Variants in ZMYM6 observed in about 807,000 individuals in gnomAD.
ZMYM6 encodes zinc finger MYM-type protein 6.
A neutral mutation model predicts 134.0 loss-of-function variants in ZMYM6; 90 were observed. That is an observed-to-expected ratio of 0.67 (90% CI 0.57 to 0.80). ZMYM6 has a LOEUF of 0.80. ZMYM6 is among the 30% of genes least tolerant of loss of function. The pLI is 0.00. For missense variants in ZMYM6, 1,362 were observed against 1,533.9 expected (o/e 0.89, Z 1.87); for synonymous variants, 481 against 524.1 (o/e 0.92, Z 1.12).
chr1:35,017,826 G>A (rs200738319), intron 4 of ZMYM6: 4 of 152,046 alleles, frequency 2.6e-5, no homozygotes, highest in South Asian at 2.1e-4. Flanking sequence ...AGTCACTGAC[G>A]GGGGTGACTA....
At chr1:35,000,097 T>C (rs1215852237) in intron 14 of ZMYM6, among the ~76,000 whole-genome samples, 2 of 151,714 alleles carry the variant, frequency 1.3e-5, no homozygotes, top group African/African-American at 4.8e-5. Context: ...CATACCCAGC[T>C]AATTTTTTGG....
chr1:35,015,723 C>CAAAAAAAAAA (rs1331400824), intron 4 of ZMYM6, among the ~76,000 whole-genome samples: 11 of 51,192 alleles, frequency 2.1e-4, no homozygotes, highest in East Asian at 1.3e-3. Context: ...GACTCCATCT[C>CAAAAAAAAAA]AAAAAAAAAA....
intron 15 of ZMYM6, chr1:34,990,351 C>T: frequency 4.4e-6 from 1 of 228,884 alleles, no homozygotes; most frequent in Non-Finnish European, 1.0e-5. Flanking sequence ...GGCATGGTGG[C>T]AGGTGCCTGT....
intron 4 of ZMYM6, chr1:35,018,581 T>C (rs1334176780): frequency 6.6e-6 from 1 of 152,152 alleles, no homozygotes; most frequent in East Asian, 1.9e-4. Flanking sequence ...AAGTACTTGC[T>C]ATGTGCTAGG....
intron 14 of ZMYM6, among the ~76,000 whole-genome samples, chr1:34,997,905 A>ATATGG (rs1314116648): frequency 2.6e-5 from 4 of 152,198 alleles, no homozygotes; most frequent in African/African-American, 9.7e-5. Flanking sequence ...CTCAGTTGTC[A>ATATGG]CAGCATTATT....
At chr1:35,027,113 C>T (rs1017003609) in intron 2 of ZMYM6, among the ~76,000 whole-genome samples, 4 of 152,130 alleles carry the variant, frequency 2.6e-5, no homozygotes, top group Admixed American at 6.5e-5. Flanking sequence ...CTTCTTCCAC[C>T]GGCACAAGAA....
rs1641266480 is a variant in ZMYM6 at position 35,019,523 on chromosome 1, A to C, written c.258T>G (p.Val86=). ...PSVLLPSVPA[V]AIKVFCSGCK... is the part of the protein sequence containing the mutation. Reference sequence around the variant, plus strand: ...AACCAGAACAAAAAACCTTAATAGCAACAGCTGGAACTGAAGGAAGCAACA... The same window carrying C: ...AACCAGAACAAAAAACCTTAATAGCCACAGCTGGAACTGAAGGAAGCAACA... The change falls in exon 4 of 16, where the codon GTT becomes GTG. Residue 86 remains valine, a synonymous_variant. Coordinates refer to ENST00000357182, the MANE Select transcript of ZMYM6 (RefSeq NM_007167.4). 1 of 1,614,086 alleles carries C rather than the reference A, an allele frequency of 6.2e-7. No homozygotes were observed. The highest frequency in any genetic ancestry group is 8.5e-7 in the Non-Finnish European group (1 of 1,180,034).
Position 34,986,947 on chromosome 1 carries a change from C to A in ZMYM6, c.*157G>T. 2.2e-6 allele frequency: 1 copy of A among 448,460 alleles called. No homozygotes were observed. The highest frequency in any genetic ancestry group is 3.7e-6 in the Non-Finnish European group (1 of 269,792). The allele number at this position is 448,460 out of a possible 1,614,324, so 27.8% of individuals were successfully genotyped here. A position where few individuals can be genotyped will look rare whatever the true frequency, so the allele number is the denominator to read the frequency against. On this transcript the variant is annotated 3_prime_UTR_variant, in exon 16 of 16. Transcript: ENST00000357182. ...TATAATTATACATAATTATTTATAA[C>A]AATCATAATTATTAAATTCCTCAAC...
chr1:35,007,085 T>C lies in ZMYM6; in HGVS notation c.1679A>G (p.Asp560Gly), dbSNP rs1291064965. The C allele has an allele frequency of 1.9e-6, 3 of 1,589,202 alleles. No individual in the cohort carries two copies. Among genetic ancestry groups the C allele is most frequent in the Non-Finnish European group, 1.7e-6 (2 of 1,166,806 alleles). ...TAGTTTACCCTGTCGTTTACAACCA[T>C]CACACTTGGCCATCTGAAAAAGAAA... ...TVLFYQMAKCDGCKRQGKLSE... is the reference protein window; with the variant it reads ...TVLFYQMAKCGGCKRQGKLSE... The change falls in exon 12 of 16, where the codon GAT becomes GGT. Residue 560 changes from aspartate to glycine, a missense_variant. By Grantham distance (94) the Asp-to-Gly change is moderately conservative. Coordinates refer to ENST00000357182, the MANE Select transcript of ZMYM6 (RefSeq NM_007167.4).
At chr1:34,994,261 G>A (rs1640737082) in intron 14 of ZMYM6, among the ~76,000 whole-genome samples, 1 of 152,156 alleles carries the variant, frequency 6.6e-6, no homozygotes, top group African/African-American at 2.4e-5. Context: ...TATAATTCTA[G>A]GTAGTGATAA....
intron 2 of ZMYM6, among the ~76,000 whole-genome samples, chr1:35,022,715 T>C (rs1257353069): frequency 1.3e-5 from 2 of 152,192 alleles, no homozygotes; most frequent in African/African-American, 2.4e-5. Flanking sequence ...GCAGTTACCA[T>C]AGTAAATCAT....
At chr1:35,007,827 G>T (rs889235178) in intron 11 of ZMYM6, among the ~76,000 whole-genome samples, 2 of 151,936 alleles carry the variant, frequency 1.3e-5, no homozygotes, top group African/African-American at 4.8e-5. Flanking sequence ...CTGGGGGATG[G>T]GGGGTGGGCA....
rs1641149385 is a variant in ZMYM6 at position 35,014,696 on chromosome 1, C to T, written c.795+1G>A. On this transcript the variant is annotated splice_donor_variant, in intron 6 of 15. Transcript: ENST00000357182. LOFTEE classifies it high-confidence loss of function. The stretch of plus-strand genomic sequence containing the variant: ...TACATGCAACAAATAGATATTCATA[C>T]CTGCTTGTATGCCGTGACACTTGTT... 2 of 1,612,572 alleles carry T rather than the reference C, an allele frequency of 1.2e-6. No individual in the cohort carries two copies. Among genetic ancestry groups the T allele is most frequent in the African/African-American group, 1.3e-5 (1 of 74,860 alleles).
chr1:35,005,416 G>A, intron 12 of ZMYM6, 144 bp from the exon 13 acceptor site: 1 of 873,180 alleles, frequency 1.1e-6, no homozygotes. Flanking sequence ...TGTTAGGTTG[G>A]GTGACTCTGG....
chr1:34,996,688 CTTTTT>C (rs920845137), intron 14 of ZMYM6, among the ~76,000 whole-genome samples: 2 of 152,114 alleles, frequency 1.3e-5, no homozygotes, highest in African/African-American at 4.8e-5. Flanking sequence ...CTGCCACATT[CTTTTT>C]TAACAACTGT....
In ZMYM6 at chr1:35,015,171, AAAT is replaced by A. The variant is rs778647697; in HGVS notation, c.429-12_429-10del. The A allele has an allele frequency of 6.3e-7, 1 of 1,578,728 alleles. No individual in the cohort carries two copies. Among genetic ancestry groups the A allele is most frequent in the East Asian group, 2.2e-5 (1 of 44,578 alleles). ...TAGGATTTAAAATGTCTCTAAAAAT[AAAT>A]AACAAAGGTAAAAATGAAATGTATT... is the stretch of plus-strand genomic sequence containing the variant. On this transcript the variant is annotated splice_polypyrimidine_tract_variant and intron_variant, in intron 4 of 15. Transcript: ENST00000357182.
intron 14 of ZMYM6, among the ~76,000 whole-genome samples, chr1:35,001,262 T>C (rs1640875155): frequency 6.9e-6 from 1 of 145,982 alleles, no homozygotes; most frequent in Non-Finnish European, 1.5e-5. Context: ...ATTCTAAAAC[T>C]GTCAGGTGTT....
chr1:35,030,003 T>C (rs1411052874), intron 2 of ZMYM6: 1 of 153,114 alleles, frequency 6.5e-6, no homozygotes, highest in Non-Finnish European at 1.5e-5. Context: ...AGACCACAAA[T>C]TCTTAACAGA....
chr1:34,997,879 T>A (rs960964863), intron 14 of ZMYM6, among the ~76,000 whole-genome samples: 1 of 152,214 alleles, frequency 6.6e-6, no homozygotes, highest in African/African-American at 2.4e-5. Context: ...AATCTATATT[T>A]TCTTCCATAT....
Sources: gnomAD v4.1 joint callset for allele counts (sites outside exome capture counted in the v4.1 genomes callset) on GRCh38, gnomAD v4.1.1 for gene constraint, MANE v1.5 for transcripts, NCBI Gene and HGNC (gene_info 2026-07-23, HGNC 2026-07-21) for gene names.